The following MTSS1 variants were observed in gnomAD, a reference collection of about 807,000 sequenced individuals.
MTSS1 encodes MTSS I-BAR domain containing 1.
MTSS1 carries 18 observed loss-of-function variants against 79.0 expected under a neutral mutation model. The ratio of observed to expected loss-of-function variants is 0.23; its 90% CI spans 0.16 to 0.34. The LOEUF is 0.34. Among genes scored for constraint, MTSS1 ranks in the 10% least tolerant of loss-of-function variants. The pLI is 1.00. For synonymous variants in MTSS1, 341 were observed against 368.6 expected, an observed-to-expected ratio of 0.93 and a Z score of 0.86; for missense variants, 815 against 986.2, an observed-to-expected ratio of 0.83 and a Z score of 2.33.
rs190689119 is a variant in MTSS1, at chr8:124,707,555, A to G, written c.73-3364T>C. Among the ~76,000 whole-genome samples, 377 of 152,184 alleles carry G rather than the reference A, an allele frequency of 2.5e-3. 7 individuals carry two copies. The highest frequency in any genetic ancestry group is 0.023 in the South Asian group (113 of 4,818). ...TGAAACCCATCTCTACTAAAAATACAAAAATTAGCTGGGCGTGGTAGCAGG... is the reference window on the plus strand; with the variant it reads ...TGAAACCCATCTCTACTAAAAATACGAAAATTAGCTGGGCGTGGTAGCAGG... On this transcript the variant is annotated intron_variant, in intron 1 of 13. Transcript: ENST00000518547.
At chr8:124,659,686 C>A (rs1821633543) in intron 3 of MTSS1, among the ~76,000 whole-genome samples, 2 of 152,104 alleles carry the variant, frequency 1.3e-5, no homozygotes, top group Admixed American at 1.3e-4. Flanking sequence ...GTTGTCACAT[C>A]CAAGGGGACC....
intron 3 of MTSS1, among the ~76,000 whole-genome samples, chr8:124,602,204 T>TACACACACACACAC (rs1430392276): frequency 1.4e-5 from 2 of 144,092 alleles, no homozygotes; most frequent in Admixed American, 6.8e-5. Flanking sequence ...TATATATATA[T>TACACACACACACAC]ATAATTTTTT....
intron 3 of MTSS1, among the ~76,000 whole-genome samples, chr8:124,684,970 C>G (rs2135071906): frequency 6.6e-6 from 1 of 152,252 alleles, no homozygotes; most frequent in African/African-American, 2.4e-5. Flanking sequence ...AAAACACTGC[C>G]AGAAGCTGGG....
intron 3 of MTSS1, among the ~76,000 whole-genome samples, chr8:124,641,703 C>T (rs547579912): frequency 5.3e-5 from 8 of 152,296 alleles, no homozygotes; most frequent in African/African-American, 1.4e-4. Context: ...CCTTGCTTGG[C>T]TCAAATGGCC....
chr8:124,568,943 G>A (rs1827160830), intron 6 of MTSS1: 2 of 1,043,882 alleles, frequency 1.9e-6, no homozygotes, highest in Non-Finnish European at 2.5e-6. Flanking sequence ...TTCCAAAAAC[G>A]GGCACGGGCT....
intron 3 of MTSS1, among the ~76,000 whole-genome samples, chr8:124,678,223 C>G (rs777933901): frequency 2.0e-5 from 3 of 152,148 alleles, no homozygotes; most frequent in Admixed American, 6.5e-5. Flanking sequence ...CATAGTATCA[C>G]AGGAATAATT....
At chr8:124,638,326 G>A (rs1036224696) in intron 3 of MTSS1, among the ~76,000 whole-genome samples, 1 of 152,238 alleles carries the variant, frequency 6.6e-6, no homozygotes. Context: ...AACCCATGGA[G>A]CTAAGAAGGT....
chr8:124,669,964 A>G (rs939959681), intron 3 of MTSS1, among the ~76,000 whole-genome samples: 1 of 152,210 alleles, frequency 6.6e-6, no homozygotes, highest in African/African-American at 2.4e-5. Context: ...TATTCATTTC[A>G]TTCACTCAAT....
In MTSS1 at chr8:124,630,601, A is replaced by G. The variant is rs530814356; in HGVS notation, c.209-39366T>C. Among the ~76,000 whole-genome samples, 7 of 152,324 alleles carry G rather than the reference A, an allele frequency of 4.6e-5. No homozygotes were observed. The South Asian group carries it at 1.2e-3, about 27-fold the overall frequency. On this transcript the variant is annotated intron_variant, in intron 3 of 13. Transcript: ENST00000518547. ...TTTGAGAAGCACTGGTCTACAGCAC[A>G]GGCTTTGGAGTCAGAAACATCCGGG...
At chr8:124,563,066 G>T in intron 9 of MTSS1, 74 bp from the exon 10 acceptor site, 1 of 1,298,302 alleles carries the variant, frequency 7.7e-7, no homozygotes, top group Non-Finnish European at 1.1e-6. Flanking sequence ...GAGGAAGGAG[G>T]AAGGAGGGGA....
chr8:124,612,302 C>T (rs1220444962), intron 3 of MTSS1, among the ~76,000 whole-genome samples: 2 of 152,176 alleles, frequency 1.3e-5, no homozygotes, highest in African/African-American at 2.4e-5. Flanking sequence ...AAGCCAGGGT[C>T]GTCCCCAGCT....
At chr8:124,612,633 T>TAC (rs1836077179) in intron 3 of MTSS1, among the ~76,000 whole-genome samples, 15 of 60,054 alleles carry the variant, frequency 2.5e-4, no homozygotes, top group African/African-American at 8.8e-4. Flanking sequence ...TGTGTGTGTG[T>TAC]ACGAGAGAGA....
At chr8:124,643,988 G>A (rs1215457461) in intron 3 of MTSS1, among the ~76,000 whole-genome samples, 1 of 151,262 alleles carries the variant, frequency 6.6e-6, no homozygotes, top group Non-Finnish European at 1.5e-5. Flanking sequence ...TGATGGAGAG[G>A]GACAAAGCAC....
chr8:124,556,083 A>C, intron 12 of MTSS1, 149 bp downstream of exon 12: 2 of 1,546,428 alleles, frequency 1.3e-6, no homozygotes, highest in Non-Finnish European at 1.7e-6. Context: ...TTTTTTTCCC[A>C]GGGACTTTGC....
intron 10 of MTSS1, among the ~76,000 whole-genome samples, chr8:124,560,955 A>G (rs1332953972): frequency 6.6e-6 from 1 of 152,200 alleles, no homozygotes. Flanking sequence ...TCCTAGATGT[A>G]TGCCCCCTTT....
chr8:124,556,807 C>T (rs138958225), intron 11 of MTSS1, among the ~76,000 whole-genome samples: 103 of 152,358 alleles, frequency 6.8e-4, no homozygotes, highest in African/African-American at 2.3e-3. Context: ...TGGCCACCAG[C>T]GAGCACTAAA....
At chr8:124,558,470 A>G (rs539319497) in intron 10 of MTSS1, among the ~76,000 whole-genome samples, 7 of 152,248 alleles carry the variant, frequency 4.6e-5, no homozygotes, top group African/African-American at 1.7e-4. Flanking sequence ...GAAAGCCTTC[A>G]CACCTCCAAA....
chr8:124,581,928 A>T (rs1365324953), intron 6 of MTSS1, among the ~76,000 whole-genome samples: 1 of 152,144 alleles, frequency 6.6e-6, no homozygotes, highest in Non-Finnish European at 1.5e-5. Flanking sequence ...AAGACCTCCA[A>T]GGCAATAAGC....
intron 1 of MTSS1, among the ~76,000 whole-genome samples, chr8:124,717,103 C>T (rs1268288981): frequency 6.6e-6 from 1 of 151,968 alleles, no homozygotes; most frequent in African/African-American, 2.4e-5. Context: ...TTGCACTGAA[C>T]ACTGCCCTCA....
Sources: allele counts gnomAD v4.1 joint callset (sites outside exome capture counted in the v4.1 genomes callset), GRCh38; gene constraint gnomAD v4.1.1; transcripts MANE v1.5; gene names NCBI Gene and HGNC (gene_info 2026-07-23, HGNC 2026-07-21).